Variants in ZNF557 observed in about 807,000 individuals in gnomAD.
ZNF557 encodes CTB-25J19.9.
Under a neutral mutation model 21.2 loss-of-function variants are expected in ZNF557, and 19 were observed. The ratio of observed to expected loss-of-function variants is 0.90; its 90% CI spans 0.63 to 1.32. The LOEUF is 1.32. Among genes scored for constraint, ZNF557 ranks in the 40% most tolerant of loss-of-function variants. The pLI is 0.00. For synonymous variants in ZNF557, 207 were observed against 194.8 expected, an observed-to-expected ratio of 1.06 and a Z score of -0.52; for missense variants, 487 against 519.8, an observed-to-expected ratio of 0.94 and a Z score of 0.61.
intron 7 of ZNF557, 136 bp from the exon 8 acceptor site, chr19:7,082,742 C>A: frequency 2.6e-6 from 2 of 758,870 alleles, no homozygotes; most frequent in Non-Finnish European, 4.0e-6. Flanking sequence ...AGCCATGTAC[C>A]AGCACTCATG....
intron 7 of ZNF557, among the ~76,000 whole-genome samples, 169 bp from the exon 8 acceptor site, chr19:7,082,709 T>A (rs1347146986): frequency 1.3e-5 from 2 of 152,216 alleles, no homozygotes; most frequent in Non-Finnish European, 2.9e-5. Context: ...CTTCTTTAAA[T>A]GCTAAGAATT....
At chr19:7,070,812 C>T (rs1184271851) in intron 2 of ZNF557, among the ~76,000 whole-genome samples, 159 bp downstream of exon 2, 1 of 150,096 alleles carries the variant, frequency 6.7e-6, no homozygotes, top group Admixed American at 6.7e-5. Context: ...GTTGCCCAGC[C>T]TGGAGTGCAG....
rs1977795638 is a variant in ZNF557, at chr19:7,084,614, A to C, written c.*870A>C. On this transcript the variant is annotated 3_prime_UTR_variant, in exon 8 of 8. Coordinates refer to ENST00000252840, the MANE Select transcript of ZNF557 (RefSeq NM_024341.3). ...GCAGTCCTTTCATCTTGGCCTCCAG[A>C]AGTACTGGGATTACAGGCATGAACC... 1 of 152,138 alleles carries C rather than the reference A, an allele frequency of 6.6e-6. No individual in the cohort carries two copies. Among genetic ancestry groups the C allele is most frequent in the African/African-American group, 2.4e-5 (1 of 41,406 alleles). 9.4% of individuals were successfully genotyped at this position (152,138 alleles called of 1,614,324 possible).
chr19:7,077,132 C>CTTTTTTT (rs4031071), intron 5 of ZNF557, among the ~76,000 whole-genome samples: 1,395 of 78,300 alleles, frequency 0.018, 36 homozygotes, highest in Middle Eastern at 0.058. Flanking sequence ...TGTTTTCTTT[C>CTTTTTTT]TTTTTTTTTT....
Position 7,084,758 on chromosome 19 carries a change from C to G in ZNF557, c.*1014C>G, listed in dbSNP as rs1977798243. 6.6e-6 allele frequency: 1 copy of G among 152,016 alleles called. No homozygotes were observed. The highest frequency in any genetic ancestry group is 2.4e-5 in the African/African-American group (1 of 41,390). 9.4% of individuals were successfully genotyped at this position (152,016 alleles called of 1,614,324 possible). On this transcript the variant is annotated 3_prime_UTR_variant, in exon 8 of 8. Transcript: ENST00000252840. ...AATCTGTATGGTAAAACTTTGAGCTCAAACTTTCCCCCTACCAAAAAAAAA... is the reference window on the plus strand; with the variant it reads ...AATCTGTATGGTAAAACTTTGAGCTGAAACTTTCCCCCTACCAAAAAAAAA...
chr19:7,073,297 C>A (rs934545232), intron 2 of ZNF557, among the ~76,000 whole-genome samples: 1 of 151,638 alleles, frequency 6.6e-6, no homozygotes, highest in Non-Finnish European at 1.5e-5. Flanking sequence ...ATTACAGGCA[C>A]CCACCACCAT....
Position 7,082,912 on chromosome 19 carries a change from G to A in ZNF557, c.461G>A (p.Cys154Tyr). The A allele has an allele frequency of 6.2e-7, 1 of 1,603,968 alleles. No homozygotes were observed. Among genetic ancestry groups the A allele is most frequent in the Non-Finnish European group, 8.5e-7 (1 of 1,174,128 alleles). Residue 154 changes from cysteine (C) to tyrosine (Y), a missense_variant, in exon 8 of 8, where the codon TGT (cysteine) becomes TAT (tyrosine). Coordinates refer to ENST00000252840, the MANE Select transcript of ZNF557 (RefSeq NM_024341.3). Reference protein sequence around the residue: ...RNHLGATLNECNQCFKVFSTK... With the variant: ...RNHLGATLNEYNQCFKVFSTK... ...CATCTTGGAGCAACACTCAACGAATGTAATCAGTGTTTTAAAGTCTTCAGC... is the reference window on the plus strand; with the variant it reads ...CATCTTGGAGCAACACTCAACGAATATAATCAGTGTTTTAAAGTCTTCAGC...
chr19:7,076,522 A>C lies in ZNF557; in HGVS notation c.247+15A>C. On this transcript the variant is annotated intron_variant, in intron 5 of 7. Coordinates refer to ENST00000252840, the MANE Select transcript of ZNF557 (RefSeq NM_024341.3). The stretch of plus-strand genomic sequence containing the variant: ...GGCCTCACTGGGTAAGCCTAATGTC[A>C]TTCCTGCATTTATTTAATGACTCAG... The C allele has an allele frequency of 6.2e-7, 1 of 1,606,840 alleles. No homozygotes were observed. The highest frequency in any genetic ancestry group is 8.5e-7 in the Non-Finnish European group (1 of 1,176,564).
At chr19:7,082,372 G>A (rs141508852) in intron 7 of ZNF557, among the ~76,000 whole-genome samples, 2,201 of 140,132 alleles carry the variant, frequency 0.016, 53 homozygotes, top group African/African-American at 0.055. Flanking sequence ...GCAGTGAGCC[G>A]AGATTGTGCC....
intron 3 of ZNF557, 92 bp downstream of exon 3, chr19:7,075,197 G>T: frequency 6.3e-7 from 1 of 1,583,000 alleles, no homozygotes. Flanking sequence ...CAGAGCAGGT[G>T]AGGCAGGAGT....
At position 7,081,413 on chromosome 19, in the gene ZNF557, G is replaced by A. The variant is rs201921219; in HGVS notation, c.301G>A (p.Val101Met). ...CTCCCAGCTGGAGCAAGAAGATAAA[G>A]TGATGACAGAAGAGAGAGGAATTCT... ...LISQLEQEDK[V>M]MTEERGILSG... Residue 101 changes from valine (V) to methionine (M), a missense_variant, in exon 6 of 8, where the codon GTG becomes ATG. Transcript: ENST00000252840. The A allele has an allele frequency of 5.0e-6, 8 of 1,613,962 alleles. No homozygotes were observed. In the Admixed American group the frequency reaches 8.3e-5, roughly 17 times the overall value.
In ZNF557 at chr19:7,084,949, T is replaced by C. The variant is rs572323666; in HGVS notation, c.*1205T>C. The C allele has an allele frequency of 3.9e-4, 59 of 152,214 alleles. No individual in the cohort carries two copies. The highest frequency in any genetic ancestry group is 1.4e-3 in the African/African-American group (59 of 41,526). The allele number at this position is 152,214 out of a possible 1,614,324, so 9.4% of individuals were successfully genotyped here. ...TCCTTAAGTCACATTTCGGAGATCA[T>C]ACAACAGAGGAATATGTTGAGTATA... On this transcript the variant is annotated 3_prime_UTR_variant, in exon 8 of 8. Coordinates refer to ENST00000252840, the MANE Select transcript of ZNF557 (RefSeq NM_024341.3).
In ZNF557 at chr19:7,083,168, T is replaced by C; in HGVS notation, c.717T>C (p.Ser239=). ...ATGGGGAGAAACCCTACGAATGCAGTGACTGTGGGAAAACCTTCAGCAATT... is the reference window on the plus strand; with the variant it reads ...ATGGGGAGAAACCCTACGAATGCAGCGACTGTGGGAAAACCTTCAGCAATT... ...IHNGEKPYEC[S]DCGKTFSNSS... Residue 239 remains serine, a synonymous_variant, in exon 8 of 8, where the codon AGT becomes AGC. Transcript: ENST00000252840. 6.2e-7 allele frequency: 1 copy of C among 1,614,208 alleles called. No homozygotes were observed. The highest frequency in any genetic ancestry group is 8.5e-7 in the Non-Finnish European group (1 of 1,180,040).
In ZNF557 at chr19:7,071,799, C is replaced by CAAAAAAAAAAAA. The variant is rs71177147; in HGVS notation, c.-80+1160_-80+1171dup. 3.6e-5 allele frequency among the ~76,000 whole-genome samples: 2 copies of CAAAAAAAAAAAA among 55,022 alleles called. 1 individual carries two copies. The highest frequency in any genetic ancestry group is 1.9e-3 in the South Asian group (2 of 1,040). The allele number at this position is 55,022 out of a possible 152,430, so 36.1% of individuals were successfully genotyped here. A position where few individuals can be genotyped will look rare whatever the true frequency, so the allele number is the denominator to read the frequency against. On this transcript the variant is annotated intron_variant, in intron 2 of 7. Transcript: ENST00000252840. The stretch of plus-strand genomic sequence containing the variant: ...TGGGCAACAGAGCAAGACTGCATCT[C>CAAAAAAAAAAAA]AAAAAAAAAAAAAAAAAAAAAAAAA...
At chr19:7,077,942 T>C (rs774674077) in intron 5 of ZNF557, among the ~76,000 whole-genome samples, 2 of 152,226 alleles carry the variant, frequency 1.3e-5, no homozygotes, top group Non-Finnish European at 2.9e-5. Flanking sequence ...TGGCCATTTA[T>C]ACATCTTTTT....
Position 7,081,369 on chromosome 19 carries a change from T to G in ZNF557, c.257T>G (p.Val86Gly), listed in dbSNP as rs760424239. The change falls in exon 6 of 8, where the codon GTT (valine) becomes GGT (glycine). Residue 86 changes from valine (V) to glycine (G), a missense_variant. Coordinates refer to ENST00000252840, the MANE Select transcript of ZNF557 (RefSeq NM_024341.3). ...TTTTCTCCATGTACAGGGAACCAAG[T>G]TGATAAACCTAGGCTGATCTCCCAG... Reference protein sequence around the residue: ...CRNLASLGNQVDKPRLISQLE... With the variant: ...CRNLASLGNQGDKPRLISQLE... The G allele has an allele frequency of 1.2e-6, 2 of 1,613,586 alleles. No homozygotes were observed. The highest frequency in any genetic ancestry group is 1.1e-5 in the South Asian group (1 of 91,048).
intron 2 of ZNF557, among the ~76,000 whole-genome samples, chr19:7,074,773 C>T (rs1423431482): frequency 4.6e-5 from 4 of 86,142 alleles, no homozygotes; most frequent in African/African-American, 1.0e-4. Flanking sequence ...GGGGGGTGAC[C>T]GAGGCAGGGC....
In ZNF557 at chr19:7,076,487, G is replaced by T. The variant is rs201711828; in HGVS notation, c.227G>T (p.Cys76Phe). Residue 76 changes from cysteine (C) to phenylalanine (F), a missense_variant, in exon 5 of 8, where the codon TGC becomes TTC. By Grantham distance (205) the Cys-to-Phe change is radical (BLOSUM62 -2). Transcript: ENST00000252840. The part of the protein sequence containing the change: ...TLYRDVMLEN[C>F]RNLASLGNQV... ...TACAGGGACGTGATGCTGGAGAACTGCAGGAACCTGGCCTCACTGGGTAAG... is the reference window on the plus strand; with the variant it reads ...TACAGGGACGTGATGCTGGAGAACTTCAGGAACCTGGCCTCACTGGGTAAG... The T allele has an allele frequency of 2.5e-5, 40 of 1,614,024 alleles. No homozygotes were observed. Among genetic ancestry groups the T allele is most frequent in the Non-Finnish European group, 3.1e-5 (36 of 1,180,002 alleles).
chr19:7,083,684 ATCCT>A lies in ZNF557; in HGVS notation c.1236_1239del (p.Phe413GlnfsTer28), dbSNP rs1344261150. ...CCTATGAATGTAATTATTGCGGGAA[ATCCT>A]TCACAAGTAACTCCTACCTTTCTGT... On this transcript the variant is annotated frameshift_variant, in exon 8 of 8. Transcript: ENST00000252840. LOFTEE classifies it low-confidence loss of function (END_TRUNC). The A allele has an allele frequency of 6.2e-7, 1 of 1,614,046 alleles. No individual in the cohort carries two copies. The highest frequency in any genetic ancestry group is 1.1e-5 in the South Asian group (1 of 91,072).
Sources: gnomAD v4.1 joint callset for allele counts (sites outside exome capture counted in the v4.1 genomes callset) on GRCh38, gnomAD v4.1.1 for gene constraint, MANE v1.5 for transcripts, NCBI Gene and HGNC (gene_info 2026-07-23, HGNC 2026-07-21) for gene names.